Variants in PLCE1 observed in about 807,000 individuals in gnomAD.
PLCE1 encodes phospholipase C epsilon 1, also known as 1-phosphatidylinositol 4,5-bisphosphate phosphodiesterase epsilon-1.
A neutral mutation model predicts 242.8 loss-of-function variants in PLCE1; 119 were observed. That is an observed-to-expected ratio of 0.49 (90% CI 0.42 to 0.57). The LOEUF is 0.57. PLCE1 is among the 20% of genes least tolerant of loss of function. PLCE1 has a pLI of 0.00. For missense variants in PLCE1, 2,441 were observed against 2,788.8 expected, an observed-to-expected ratio of 0.88 and a Z score of 2.81; for synonymous variants, 945 against 1,017.4, an observed-to-expected ratio of 0.93 and a Z score of 1.35.
At chr10:94,285,390 T>C (rs2052403063) in intron 22 of PLCE1, among the ~76,000 whole-genome samples, 1 of 152,162 alleles carries the variant, frequency 6.6e-6, no homozygotes, top group African/African-American at 2.4e-5. Context: ...TTTCAGAGTA[T>C]ATCAGTCAAG....
intron 4 of PLCE1, among the ~76,000 whole-genome samples, chr10:94,204,771 G>A (rs2049099483): frequency 1.7e-5 from 2 of 121,180 alleles, no homozygotes; most frequent in Admixed American, 8.1e-5. Flanking sequence ...AGGAAGGAAG[G>A]AAGGAAGGAA....
chr10:94,001,279 G>A (rs2060925844), intron 1 of PLCE1, among the ~76,000 whole-genome samples: 1 of 152,130 alleles, frequency 6.6e-6, no homozygotes, highest in Non-Finnish European at 1.5e-5. Flanking sequence ...CTTAGTAGTG[G>A]CATCACTGCT....
At chr10:94,093,582 C>A (rs1394263911) in intron 2 of PLCE1, among the ~76,000 whole-genome samples, 1 of 152,232 alleles carries the variant, frequency 6.6e-6, no homozygotes, top group East Asian at 1.9e-4. Context: ...GATTTGAAAA[C>A]TAATCAGCTT....
chr10:94,051,961 A>G lies in PLCE1; in HGVS notation c.1206+19709A>G, dbSNP rs560465488. 2.0e-5 allele frequency among the ~76,000 whole-genome samples: 3 copies of G among 152,364 alleles called. 1 individual carries two copies. In the South Asian group the frequency reaches 6.2e-4, roughly 32 times the overall value. The stretch of plus-strand genomic sequence containing the variant: ...AATTTCTCCCACCAAGTGAACAAAC[A>G]GTTCATTGGTTCTGGTTTCACACTT... On this transcript the variant is annotated intron_variant, in intron 2 of 32. Transcript: ENST00000371380.
rs768854393 is a variant in PLCE1, at chr10:94,273,695, C to T, written c.4640C>T (p.Thr1547Met). ...AACAAGAAGCTAAAAGCCCATCAGA[C>T]GCCAGTGGATATCTTAAAGCAAAAG... ...LKNKKLKAHQ[T>M]PVDILKQKAH... Residue 1547 changes from threonine to methionine, a missense_variant, in exon 19 of 33, where the codon ACG becomes ATG. By Grantham distance (81) the Thr-to-Met change is moderately conservative. Transcript: ENST00000371380. 2.8e-4 allele frequency: 452 copies of T among 1,613,762 alleles called. No homozygotes were observed. The highest frequency in any genetic ancestry group is 3.8e-4 in the Non-Finnish European group (445 of 1,179,848).
chr10:94,022,266 A>G (rs2061387277), intron 1 of PLCE1, among the ~76,000 whole-genome samples: 1 of 152,186 alleles, frequency 6.6e-6, no homozygotes, highest in African/African-American at 2.4e-5. Flanking sequence ...GAAAAATAAC[A>G]TTTAAGATAA....
intron 2 of PLCE1, among the ~76,000 whole-genome samples, chr10:94,125,059 C>T (rs567202131): frequency 6.6e-6 from 1 of 152,234 alleles, no homozygotes; most frequent in South Asian, 2.1e-4. Context: ...AGGATTCTAG[C>T]CAAGTTTTTG....
intron 18 of PLCE1, 49 bp downstream of exon 18, chr10:94,270,651 A>C (rs182822690): frequency 1.8e-6 from 2 of 1,101,750 alleles, no homozygotes. Context: ...CTTGTTTTGC[A>C]ATTGTCATTG....
chr10:94,308,768 C>T (rs1436527758), intron 27 of PLCE1, 69 bp downstream of exon 27: 3 of 991,942 alleles, frequency 3.0e-6, no homozygotes, highest in Non-Finnish European at 4.9e-6. Context: ...TTTTTTGTGG[C>T]CCAGCAAAGT....
chr10:94,131,521 GTGA>G (rs1009669094), intron 2 of PLCE1, among the ~76,000 whole-genome samples: 1 of 152,200 alleles, frequency 6.6e-6, no homozygotes. Context: ...GTGAATTCGG[GTGA>G]TAAAAGGAGA....
At position 94,236,064 on chromosome 10, in the gene PLCE1, C is replaced by T. The variant is rs572497944; in HGVS notation, c.2364C>T (p.Ser788=). The change falls in exon 7 of 33, where the codon AGC becomes AGT. Residue 788 remains serine, a synonymous_variant. Transcript: ENST00000371380. Reference sequence around the variant, plus strand: ...GTCTGGAGACAGACGAGGAGGACAGCCCCAGTGAAGGAAACAGCTCCAGGA... The same window carrying T: ...GTCTGGAGACAGACGAGGAGGACAGTCCCAGTGAAGGAAACAGCTCCAGGA... ...NRSLETDEED[S]PSEGNSSRKS... 13 of 1,613,980 alleles carry T rather than the reference C, an allele frequency of 8.1e-6. No homozygotes were observed. The South Asian group carries it at 1.3e-4, about 16-fold the overall frequency.
rs2054142154 is a variant in PLCE1 at position 94,330,112 on chromosome 10, A to G, written c.*2169A>G. ...AGGCCAAATGAAAACTGTGCAGAGT[A>G]ACAAGATGAAAAGACTCGTCTCTTT... On this transcript the variant is annotated 3_prime_UTR_variant, in exon 33 of 33. Transcript: ENST00000371380. 6.6e-6 allele frequency: 1 copy of G among 152,198 alleles called. No individual in the cohort carries two copies. The highest frequency in any genetic ancestry group is 2.4e-5 in the African/African-American group (1 of 41,452). 9.4% of individuals were successfully genotyped at this position (152,198 alleles called of 1,614,324 possible). A position where few individuals can be genotyped will look rare whatever the true frequency, so the allele number is the denominator to read the frequency against.
chr10:94,087,302 A>G (rs558416626), intron 2 of PLCE1, among the ~76,000 whole-genome samples: 1 of 145,380 alleles, frequency 6.9e-6, no homozygotes, highest in Admixed American at 6.9e-5. Context: ...GTGAGCTGTG[A>G]TCACGCCACT....
At chr10:94,296,430 A>G (rs2052818990) in intron 23 of PLCE1, among the ~76,000 whole-genome samples, 1 of 152,032 alleles carries the variant, frequency 6.6e-6, no homozygotes, top group Admixed American at 6.5e-5. Flanking sequence ...TCTTAGCTAG[A>G]ACTTACGAAT....
At chr10:94,177,993 A>G (rs567577948) in intron 4 of PLCE1, among the ~76,000 whole-genome samples, 2 of 152,286 alleles carry the variant, frequency 1.3e-5, no homozygotes, top group African/African-American at 2.4e-5. Flanking sequence ...CTCAAACTTC[A>G]TGTCTCCTTA....
At chr10:94,227,150 T>A (rs2049973597) in intron 4 of PLCE1, 156 bp from the exon 5 acceptor site, 1 of 682,934 alleles carries the variant, frequency 1.5e-6, no homozygotes, top group Admixed American at 2.1e-5. Flanking sequence ...GTGCTGGGAT[T>A]ACAGGCGTGA....
rs1399687826 is a variant in PLCE1, at chr10:94,259,287, T to G, written c.3814+137T>G. The G allele has an allele frequency of 1.6e-5, 9 of 554,098 alleles. No individual in the cohort carries two copies. In the Admixed American group the frequency reaches 2.8e-4, roughly 17 times the overall value. The allele number at this position is 554,098 out of a possible 1,614,324, so 34.3% of individuals were successfully genotyped here. A position where few individuals can be genotyped will look rare whatever the true frequency, so the allele number is the denominator to read the frequency against. ...TGTGTAGGGAAAGACTTAAGAGAATTTTTTTTTTTTTTTTGAGATGCAGTC... is the reference window on the plus strand; with the variant it reads ...TGTGTAGGGAAAGACTTAAGAGAATGTTTTTTTTTTTTTTGAGATGCAGTC... On this transcript the variant is annotated intron_variant, in intron 13 of 32. Coordinates refer to ENST00000371380, the MANE Select transcript of PLCE1 (RefSeq NM_016341.4).
At position 94,176,434 on chromosome 10, in the gene PLCE1, C is replaced by T. The variant is rs752515590; in HGVS notation, c.1809+4938C>T. On this transcript the variant is annotated intron_variant, in intron 4 of 32. Coordinates refer to ENST00000371380, the MANE Select transcript of PLCE1 (RefSeq NM_016341.4). Reference sequence around the variant, plus strand: ...ACACATTGAGCACCTACTGTTCTCTCGTCTTCTCTTTTTTTCCATTGGCAT... The same window carrying T: ...ACACATTGAGCACCTACTGTTCTCTTGTCTTCTCTTTTTTTCCATTGGCAT... Among the ~76,000 whole-genome samples the T allele has an allele frequency of 4.3e-4, 65 of 152,124 alleles. No individual in the cohort carries two copies. In the Middle Eastern group the frequency reaches 0.014, roughly 32 times the overall value.
Position 94,245,955 on chromosome 10 carries a change from T to C in PLCE1, c.2430T>C (p.Ile810=), listed in dbSNP as rs777073887. The change falls in exon 8 of 33, where the codon ATT becomes ATC. Residue 810 remains isoleucine, a synonymous_variant. Coordinates refer to ENST00000371380, the MANE Select transcript of PLCE1 (RefSeq NM_016341.4). ...LKDKSRWQFI[I]GDLLDSDNDI... is the part of the protein sequence containing the mutation. ...TGTTTCTTTCCTTAAGGTTTATAAT[T>C]GGAGATTTGTTGGATTCAGACAATG... 16 of 1,613,750 alleles carry C rather than the reference T, an allele frequency of 9.9e-6. No individual in the cohort carries two copies. The highest frequency in any genetic ancestry group is 1.4e-5 in the Non-Finnish European group (16 of 1,179,768).
Sources: allele counts gnomAD v4.1 joint callset (sites outside exome capture counted in the v4.1 genomes callset), GRCh38; gene constraint gnomAD v4.1.1; transcripts MANE v1.5; gene names NCBI Gene and HGNC (gene_info 2026-07-23, HGNC 2026-07-21).